UNC5D: variants seen among roughly 807,000 people sequenced by gnomAD.
UNC5D encodes unc-5 netrin receptor D, also known as netrin receptor UNC5D.
Under a neutral mutation model 105.4 loss-of-function variants are expected in UNC5D, and 39 were observed. The ratio of observed to expected loss-of-function variants is 0.37; its 90% CI spans 0.29 to 0.48. The LOEUF is 0.48. Among genes scored for constraint, UNC5D ranks in the 20% least tolerant of loss-of-function variants. The pLI is 0.98. For synonymous variants in UNC5D, 452 were observed against 450.4 expected (o/e 1.00, Z -0.04); for missense variants, 991 against 1,202.4 (o/e 0.82, Z 2.60).
At chr8:35,243,653 AAC>A (rs1487864284) in intron 1 of UNC5D, among the ~76,000 whole-genome samples, 1 of 152,124 alleles carries the variant, frequency 6.6e-6, no homozygotes, top group Non-Finnish European at 1.5e-5. Context: ...ATAGAATGAG[AAC>A]AGTTGTTTTA....
chr8:35,674,933 C>T (rs1318901409), intron 4 of UNC5D, among the ~76,000 whole-genome samples: 11 of 152,140 alleles, frequency 7.2e-5, no homozygotes, highest in Non-Finnish European at 5.9e-5. Flanking sequence ...TGTGAACTTC[C>T]GTAGCCTTCC....
At chr8:35,250,563 C>G (rs941540440) in intron 1 of UNC5D, among the ~76,000 whole-genome samples, 1 of 152,110 alleles carries the variant, frequency 6.6e-6, no homozygotes, top group Non-Finnish European at 1.5e-5. Flanking sequence ...GGCACGATCT[C>G]GGCTCACCGC....
chr8:35,294,697 CT>C (rs36071675), intron 1 of UNC5D, among the ~76,000 whole-genome samples: 59,755 of 141,132 alleles, frequency 0.42, 12,501 homozygotes, highest in East Asian at 0.69. Flanking sequence ...TTCTTTTCTT[CT>C]TTTTTTTTTT....
intron 2 of UNC5D, among the ~76,000 whole-genome samples, chr8:35,564,429 G>A (rs900667659): frequency 2.6e-5 from 4 of 152,062 alleles, no homozygotes; most frequent in Non-Finnish European, 4.4e-5. Flanking sequence ...ATGCATTGAT[G>A]GATGTTCTCT....
chr8:35,249,442 C>T (rs1012824734), intron 1 of UNC5D, among the ~76,000 whole-genome samples: 10 of 150,630 alleles, frequency 6.6e-5, no homozygotes, highest in Non-Finnish European at 1.3e-4. Flanking sequence ...CCTGTAATCC[C>T]GGCTACTCGG....
chr8:35,682,093 T>C (rs1033031983), intron 4 of UNC5D, among the ~76,000 whole-genome samples: 1 of 152,090 alleles, frequency 6.6e-6, no homozygotes, highest in African/African-American at 2.4e-5. Context: ...GCCTCCTGAG[T>C]ATCTGGGATT....
chr8:35,541,086 T>G (rs1815241744), intron 1 of UNC5D, among the ~76,000 whole-genome samples: 2 of 152,132 alleles, frequency 1.3e-5, no homozygotes, highest in Admixed American at 1.3e-4. Flanking sequence ...AAAATTAAAT[T>G]TAACCGAGTT....
rs148240674 is a variant in UNC5D at position 35,498,931 on chromosome 8, G to A, written c.104-50361G>A. Among the ~76,000 whole-genome samples, 481 of 152,148 alleles carry A rather than the reference G, an allele frequency of 3.2e-3. 2 individuals are homozygous for A. The highest frequency in any genetic ancestry group is 0.014 in the Middle Eastern group (4 of 294). The stretch of plus-strand genomic sequence containing the variant: ...CATTTGCTTCCAAGCATTCAGCAAT[G>A]CTTTGAAACTTTTCTTGCTTGAAAA... On this transcript the variant is annotated intron_variant, in intron 1 of 16. Transcript: ENST00000404895.
chr8:35,355,058 C>A (rs766412798), intron 1 of UNC5D, among the ~76,000 whole-genome samples: 1 of 152,070 alleles, frequency 6.6e-6, no homozygotes, highest in South Asian at 2.1e-4. Context: ...ACTTGACTGG[C>A]GAATTGGCAT....
chr8:35,726,001 A>C, intron 9 of UNC5D, 151 bp from the exon 10 acceptor site: 1 of 1,030,424 alleles, frequency 9.7e-7, no homozygotes, highest in Non-Finnish European at 1.4e-6. Context: ...AGTCACTAGC[A>C]CCCAACCTGG....
At position 35,750,698 on chromosome 8, in the gene UNC5D, A is replaced by G; in HGVS notation, c.2052A>G (p.Thr684=). Residue 684 remains threonine, a synonymous_variant, in exon 13 of 17, where the codon ACA becomes ACG. Transcript: ENST00000404895. ...ATGCGCTCACTGGAGAGCCAATCACAGACTGTGCCGTGAAGCAACTGAAGG... is the reference window on the plus strand; with the variant it reads ...ATGCGCTCACTGGAGAGCCAATCACGGACTGTGCCGTGAAGCAACTGAAGG... ...GTYALTGEPI[T]DCAVKQLKVA... The G allele has an allele frequency of 6.2e-7, 1 of 1,614,150 alleles. No individual in the cohort carries two copies. The highest frequency in any genetic ancestry group is 8.5e-7 in the Non-Finnish European group (1 of 1,180,022).
At chr8:35,574,333 A>C (rs1349807984) in intron 3 of UNC5D, among the ~76,000 whole-genome samples, 2 of 152,192 alleles carry the variant, frequency 1.3e-5, no homozygotes, top group African/African-American at 4.8e-5. Flanking sequence ...CAAGTTAGCC[A>C]CTTGAAAGAA....
intron 1 of UNC5D, among the ~76,000 whole-genome samples, chr8:35,491,353 A>G (rs1015892282): frequency 6.6e-6 from 1 of 152,182 alleles, no homozygotes; most frequent in African/African-American, 2.4e-5. Flanking sequence ...AATTAATGTA[A>G]TGATTTACAT....
intron 11 of UNC5D, among the ~76,000 whole-genome samples, chr8:35,744,749 G>GA (rs1278461926): frequency 1.9e-4 from 29 of 150,712 alleles, no homozygotes; most frequent in Admixed American, 1.2e-3. Flanking sequence ...ACCTAAGCAG[G>GA]AAAAAAAAAT....
intron 1 of UNC5D, among the ~76,000 whole-genome samples, chr8:35,502,291 CCTT>C (rs1302672756): frequency 5.9e-5 from 9 of 152,130 alleles, no homozygotes; most frequent in Non-Finnish European, 1.3e-4. Flanking sequence ...TAACGTTTAT[CCTT>C]CTTATAAGCC....
In UNC5D at chr8:35,442,530, G is replaced by A. The variant is rs138950108; in HGVS notation, c.104-106762G>A. ...CCAGAATCTTCCGAAATAGTGGTTG[G>A]ATTAGAGATTCTTTAAAAAACAAAG... is the stretch of plus-strand genomic sequence containing the variant. On this transcript the variant is annotated intron_variant, in intron 1 of 16. Coordinates refer to ENST00000404895, the MANE Select transcript of UNC5D (RefSeq NM_080872.4). 1.5e-4 allele frequency among the ~76,000 whole-genome samples: 23 copies of A among 151,810 alleles called. No individual in the cohort carries two copies. The East Asian group carries it at 4.5e-3, about 29-fold the overall frequency.
chr8:35,240,052 C>A (rs1213722149), intron 1 of UNC5D, among the ~76,000 whole-genome samples: 1 of 152,150 alleles, frequency 6.6e-6, no homozygotes, highest in Non-Finnish European at 1.5e-5. Flanking sequence ...CCTCCCACCC[C>A]AGCCTCTTGA....
intron 5 of UNC5D, among the ~76,000 whole-genome samples, chr8:35,684,248 G>T (rs1237726283): frequency 1.3e-5 from 2 of 152,204 alleles, no homozygotes; most frequent in Non-Finnish European, 2.9e-5. Flanking sequence ...TATTTTTGAA[G>T]CACTTAAAGT....
At chr8:35,241,685 T>C (rs1446433519) in intron 1 of UNC5D, among the ~76,000 whole-genome samples, 1 of 152,220 alleles carries the variant, frequency 6.6e-6, no homozygotes, top group Non-Finnish European at 1.5e-5. Context: ...ATTTTTAAAT[T>C]TTAACACTTT....
Sources: allele counts gnomAD v4.1 joint callset (sites outside exome capture counted in the v4.1 genomes callset), GRCh38; gene constraint gnomAD v4.1.1; transcripts MANE v1.5; gene names NCBI Gene and HGNC (gene_info 2026-07-23, HGNC 2026-07-21).